EPHB1: variants seen among roughly 807,000 people sequenced by gnomAD.
The protein encoded by EPHB1 is ephrin type-B receptor 1.
EPHB1 carries 30 observed loss-of-function variants against 94.4 expected under a neutral mutation model. The observed-to-expected ratio is 0.32, with a 90% confidence interval of 0.24 to 0.43. EPHB1 has a LOEUF of 0.43. EPHB1 is among the 20% of genes least tolerant of loss of function. The pLI, the probability that EPHB1 is intolerant of heterozygous loss-of-function variation, is 1.00. For synonymous variants in EPHB1, 522 were observed against 489.1 expected (o/e 1.07, Z -0.89); for missense variants, 1,055 against 1,308.3 (o/e 0.81, Z 2.99).
chr3:135,241,328 A>G (rs1943778209), intron 13 of EPHB1, 31 bp downstream of exon 13: 3 of 1,613,110 alleles, frequency 1.9e-6, no homozygotes, highest in African/African-American at 1.3e-5. Flanking sequence ...GTCACCACAA[A>G]CCCCCATTGA....
At chr3:135,069,072 C>T (rs1393541393) in intron 3 of EPHB1, among the ~76,000 whole-genome samples, 1 of 149,218 alleles carries the variant, frequency 6.7e-6, no homozygotes, top group Non-Finnish European at 1.5e-5. Flanking sequence ...ACCCAGTTTA[C>T]CTATTATTCC....
At chr3:135,215,175 T>TC (rs1943118446) in intron 12 of EPHB1, among the ~76,000 whole-genome samples, 1 of 152,102 alleles carries the variant, frequency 6.6e-6, no homozygotes, top group South Asian at 2.1e-4. Flanking sequence ...TTTCTTTTTT[T>TC]TTTTTAAGAC....
At chr3:135,064,728 T>G (rs2107778718) in intron 3 of EPHB1, among the ~76,000 whole-genome samples, 1 of 150,584 alleles carries the variant, frequency 6.6e-6, no homozygotes, top group African/African-American at 2.5e-5. Flanking sequence ...TCTTGGTTAT[T>G]TCCTTTCCTC....
chr3:135,204,155 A>G (rs1259343668), intron 12 of EPHB1, among the ~76,000 whole-genome samples: 1 of 152,046 alleles, frequency 6.6e-6, no homozygotes, highest in African/African-American at 2.4e-5. Flanking sequence ...TTTGTGTTAC[A>G]TACAATCCAA....
intron 6 of EPHB1, among the ~76,000 whole-genome samples, chr3:135,157,540 T>A (rs1314657766): frequency 6.6e-6 from 1 of 152,228 alleles, no homozygotes; most frequent in East Asian, 1.9e-4. Context: ...AGCAGCCCAA[T>A]GCCTGCAGCA....
At chr3:135,061,223 C>T (rs1029066562) in intron 3 of EPHB1, among the ~76,000 whole-genome samples, 11 of 152,118 alleles carry the variant, frequency 7.2e-5, no homozygotes, top group Non-Finnish European at 1.5e-4. Flanking sequence ...TTGGTGCACC[C>T]ATCACCTGAG....
rs182764614 is a variant in EPHB1, at chr3:135,194,956, C to A, written c.2130+2133C>A. On this transcript the variant is annotated intron_variant, in intron 11 of 15. Coordinates refer to ENST00000398015, the MANE Select transcript of EPHB1 (RefSeq NM_004441.5). Reference sequence around the variant, plus strand: ...ACATTATCTCTCACTGTCCTTGCTGCCACACCTGTCATGTCAGTGCAATCA... The same window carrying A: ...ACATTATCTCTCACTGTCCTTGCTGACACACCTGTCATGTCAGTGCAATCA... Among the ~76,000 whole-genome samples the A allele has an allele frequency of 3.3e-5, 5 of 152,284 alleles. No individual in the cohort carries two copies. The East Asian group carries it at 7.7e-4, about 23-fold the overall frequency.
chr3:134,834,727 C>T (rs1404765486), intron 1 of EPHB1, among the ~76,000 whole-genome samples: 1 of 152,120 alleles, frequency 6.6e-6, no homozygotes, highest in African/African-American at 2.4e-5. Flanking sequence ...GGTCTCCTGG[C>T]CATCAGAACA....
chr3:135,023,052 G>A (rs1936036849), intron 3 of EPHB1, among the ~76,000 whole-genome samples: 1 of 152,198 alleles, frequency 6.6e-6, no homozygotes. Flanking sequence ...GCCTTTGTGA[G>A]ATGACGGGAG....
chr3:135,129,029 G>A (rs1407513627), intron 4 of EPHB1, among the ~76,000 whole-genome samples: 1 of 152,114 alleles, frequency 6.6e-6, no homozygotes, highest in African/African-American at 2.4e-5. Context: ...GGAAGGAAGG[G>A]ATTCAGATTT....
At chr3:134,833,910 C>T (rs1468397381) in intron 1 of EPHB1, among the ~76,000 whole-genome samples, 1 of 152,158 alleles carries the variant, frequency 6.6e-6, no homozygotes, top group Non-Finnish European at 1.5e-5. Flanking sequence ...GAGGAATAAG[C>T]AGAGATAGTT....
chr3:134,821,768 C>G (rs2036385160), intron 1 of EPHB1, among the ~76,000 whole-genome samples: 1 of 152,152 alleles, frequency 6.6e-6, no homozygotes, highest in Non-Finnish European at 1.5e-5. Flanking sequence ...CAAACAGAAA[C>G]GTGTTTGGGA....
chr3:135,238,289 A>G (rs1943702652), intron 12 of EPHB1, among the ~76,000 whole-genome samples: 1 of 152,182 alleles, frequency 6.6e-6, no homozygotes, highest in Non-Finnish European at 1.5e-5. Context: ...CTGCCATGAC[A>G]AGCTGTCACC....
Position 134,811,242 on chromosome 3 carries a change from G to GTTTTTTTTTTTTTTTTTTTTTTTTTTTT in EPHB1, c.58+15574_58+15575insTTTTTTTTTTTTTTTTTTTTTTTTTTTT, listed in dbSNP as rs397966930. ...TCTCATAGTTGCCCCTACTAAGAAG[G>GTTTTTTTTTTTTTTTTTTTTTTTTTTTT]TTTTTTTTTTTTTTTTTTTTTCTGT... is the stretch of plus-strand genomic sequence containing the variant. On this transcript the variant is annotated intron_variant, in intron 1 of 15. Transcript: ENST00000398015. Among the ~76,000 whole-genome samples the GTTTTTTTTTTTTTTTTTTTTTTTTTTTT allele has an allele frequency of 6.0e-4, 44 of 73,890 alleles. 13 individuals are homozygous for GTTTTTTTTTTTTTTTTTTTTTTTTTTTT. The highest frequency in any genetic ancestry group is 9.1e-4 in the Non-Finnish European group (33 of 36,386). The allele number at this position is 73,890 out of a possible 152,430, so 48.5% of individuals were successfully genotyped here. A position where few individuals can be genotyped will look rare whatever the true frequency, so the allele number is the denominator to read the frequency against.
chr3:134,964,819 G>C (rs1291963118), intron 3 of EPHB1, among the ~76,000 whole-genome samples: 1 of 152,176 alleles, frequency 6.6e-6, no homozygotes, highest in Non-Finnish European at 1.5e-5. Flanking sequence ...GTTTCGAAAA[G>C]AGGGAAAAGA....
At chr3:134,905,804 C>G (rs1018722435) in intron 1 of EPHB1, among the ~76,000 whole-genome samples, 74 of 152,310 alleles carry the variant, frequency 4.9e-4, no homozygotes, top group African/African-American at 1.7e-3. Context: ...CCAGACAGAG[C>G]CTTGCCGTTT....
chr3:134,998,357 C>T (rs1437790903), intron 3 of EPHB1, among the ~76,000 whole-genome samples: 1 of 152,218 alleles, frequency 6.6e-6, no homozygotes, highest in Non-Finnish European at 1.5e-5. Context: ...GAAGTGAAAA[C>T]TTTCTTGACT....
chr3:135,114,254 G>A (rs1334573845), intron 4 of EPHB1, among the ~76,000 whole-genome samples: 2 of 151,956 alleles, frequency 1.3e-5, no homozygotes, highest in Non-Finnish European at 2.9e-5. Flanking sequence ...TAAGAGTGTG[G>A]GCTCTGGAGC....
intron 10 of EPHB1, among the ~76,000 whole-genome samples, chr3:135,188,617 C>A (rs533265864): frequency 6.2e-4 from 94 of 152,356 alleles, no homozygotes; most frequent in Non-Finnish European, 1.0e-3. Context: ...CAATTGGTCA[C>A]TTCTTTTTAT....
Sources: gnomAD v4.1 joint callset for allele counts (sites outside exome capture counted in the v4.1 genomes callset) on GRCh38, gnomAD v4.1.1 for gene constraint, MANE v1.5 for transcripts, NCBI Gene and HGNC (gene_info 2026-07-23, HGNC 2026-07-21) for gene names.